The following PTPRD variants were observed in gnomAD, a reference collection of about 807,000 sequenced individuals.
PTPRD encodes protein tyrosine phosphatase receptor type D.
A neutral mutation model predicts 214.5 loss-of-function variants in PTPRD; 34 were observed. That is an observed-to-expected ratio of 0.16 (90% CI 0.12 to 0.21). The LOEUF (loss-of-function observed/expected upper bound fraction) is 0.21. PTPRD is among the 10% of genes least tolerant of loss of function. The pLI is 1.00. For missense variants in PTPRD, 2,545 were observed against 2,398.7 expected (o/e 1.06, Z -1.27); for synonymous variants, 1,128 against 845.7 (o/e 1.33, Z -5.79).
At chr9:9,977,243 T>C (rs2154058317) in intron 4 of PTPRD, among the ~76,000 whole-genome samples, 1 of 152,258 alleles carries the variant, frequency 6.6e-6, no homozygotes, top group Admixed American at 6.5e-5. Context: ...AGGTCTAAAG[T>C]AGAACTTACC....
intron 2 of PTPRD, among the ~76,000 whole-genome samples, chr9:10,357,730 C>T (rs534884917): frequency 6.6e-6 from 1 of 152,200 alleles, no homozygotes; most frequent in East Asian, 1.9e-4. Context: ...GCTGGAGATG[C>T]TTTTCAAATA....
At chr9:9,723,984 A>C (rs1178725024) in intron 7 of PTPRD, among the ~76,000 whole-genome samples, 2 of 151,880 alleles carry the variant, frequency 1.3e-5, no homozygotes, top group Non-Finnish European at 2.9e-5. Context: ...GATCCTTTTT[A>C]TTTCTTTTTC....
At chr9:9,134,263 C>T (rs2099847499) in intron 10 of PTPRD, among the ~76,000 whole-genome samples, 1 of 147,598 alleles carries the variant, frequency 6.8e-6, no homozygotes, top group African/African-American at 2.6e-5. Flanking sequence ...TTAGTAGAGA[C>T]GAGGTTTCAC....
At chr9:9,900,021 G>T (rs971952755) in intron 5 of PTPRD, among the ~76,000 whole-genome samples, 4 of 151,984 alleles carry the variant, frequency 2.6e-5, no homozygotes, top group African/African-American at 9.7e-5. Context: ...AGGCTGGGGG[G>T]AAAACAAGAA....
At chr9:9,073,700 G>T (rs764684354) in intron 10 of PTPRD, among the ~76,000 whole-genome samples, 1 of 152,058 alleles carries the variant, frequency 6.6e-6, no homozygotes, top group Non-Finnish European at 1.5e-5. Flanking sequence ...TTTTGGACTT[G>T]TCAGCTCCCA....
At chr9:10,066,163 C>T (rs2097879574) in intron 3 of PTPRD, among the ~76,000 whole-genome samples, 2 of 151,574 alleles carry the variant, frequency 1.3e-5, no homozygotes, top group South Asian at 2.1e-4. Context: ...ATTTTTAAGG[C>T]AACAATTTTG....
intron 12 of PTPRD, among the ~76,000 whole-genome samples, chr9:8,704,458 T>A (rs533309797): frequency 6.6e-6 from 1 of 152,290 alleles, no homozygotes; most frequent in African/African-American, 2.4e-5. Context: ...AATCTGTTCC[T>A]GGAATCAGAA....
intron 9 of PTPRD, among the ~76,000 whole-genome samples, chr9:9,307,117 T>C (rs1476751437): frequency 6.6e-6 from 1 of 152,176 alleles, no homozygotes; most frequent in Non-Finnish European, 1.5e-5. Context: ...ATCTAATTTT[T>C]AAAAGTTAAC....
chr9:8,525,331 G>C (rs2073814781), intron 17 of PTPRD: 1 of 457,962 alleles, frequency 2.2e-6, no homozygotes, highest in African/African-American at 2.0e-5. Flanking sequence ...AATGAAGATG[G>C]GTGAGACTGC....
chr9:10,229,529 A>T (rs893587643), intron 3 of PTPRD, among the ~76,000 whole-genome samples: 1 of 152,122 alleles, frequency 6.6e-6, no homozygotes, highest in Non-Finnish European at 1.5e-5. Flanking sequence ...GCCACAAAAA[A>T]TGATGAGTTC....
At chr9:10,307,382 A>G (rs1228870478) in intron 3 of PTPRD, among the ~76,000 whole-genome samples, 1 of 152,064 alleles carries the variant, frequency 6.6e-6, no homozygotes, top group East Asian at 1.9e-4. Flanking sequence ...ATTTCCATCC[A>G]TGTTGCTATA....
chr9:8,524,543 T>C (rs1373933188), intron 18 of PTPRD, among the ~76,000 whole-genome samples: 1 of 151,958 alleles, frequency 6.6e-6, no homozygotes, highest in African/African-American at 2.4e-5. Context: ...AACTGATTAG[T>C]AGCACACCAA....
At chr9:10,082,484 C>A (rs887007125) in intron 3 of PTPRD, among the ~76,000 whole-genome samples, 22 of 151,948 alleles carry the variant, frequency 1.4e-4, no homozygotes, top group Non-Finnish European at 4.4e-5. Flanking sequence ...GATTTGACAG[C>A]AAACAATTCT....
At position 10,018,996 on chromosome 9, in the gene PTPRD, C is replaced by A. The variant is rs555230241; in HGVS notation, c.-472+14722G>T. Among the ~76,000 whole-genome samples the A allele has an allele frequency of 1.8e-3, 280 of 152,186 alleles. 1 individual carries two copies. The highest frequency in any genetic ancestry group is 4.7e-3 in the Admixed American group (72 of 15,290). On this transcript the variant is annotated intron_variant, in intron 4 of 45. Transcript: ENST00000381196. The stretch of plus-strand genomic sequence containing the variant: ...ACCATCAGAGTGAACAGGCAACCTA[C>A]AGAATGGGAGAAAATTTTTGCAATC...
chr9:9,865,101 A>G (rs1461756486), intron 5 of PTPRD, among the ~76,000 whole-genome samples: 2 of 152,178 alleles, frequency 1.3e-5, no homozygotes, highest in African/African-American at 4.8e-5. Flanking sequence ...TACTGTTTCT[A>G]AAAGATCATA....
At chr9:10,232,943 T>C (rs901591493) in intron 3 of PTPRD, among the ~76,000 whole-genome samples, 3 of 151,994 alleles carry the variant, frequency 2.0e-5, no homozygotes, top group Non-Finnish European at 4.4e-5. Context: ...TTCCTCACTA[T>C]CATTTTATCC....
chr9:9,335,034 T>A (rs578010245), intron 9 of PTPRD, among the ~76,000 whole-genome samples: 1 of 152,184 alleles, frequency 6.6e-6, no homozygotes, highest in African/African-American at 2.4e-5. Context: ...TTCACCTGTC[T>A]CTATACTCTT....
chr9:10,282,113 G>T (rs944449210), intron 3 of PTPRD, among the ~76,000 whole-genome samples: 2 of 152,112 alleles, frequency 1.3e-5, no homozygotes, highest in African/African-American at 4.8e-5. Flanking sequence ...GTCATGGAAA[G>T]ATCATGACTT....
intron 3 of PTPRD, among the ~76,000 whole-genome samples, chr9:10,193,721 G>A (rs541217981): frequency 6.6e-6 from 1 of 152,032 alleles, no homozygotes; most frequent in East Asian, 1.9e-4. Flanking sequence ...TCCTATTTTG[G>A]GTAACACGTA....
Sources: allele counts gnomAD v4.1 joint callset (sites outside exome capture counted in the v4.1 genomes callset), GRCh38; gene constraint gnomAD v4.1.1; transcripts MANE v1.5; gene names NCBI Gene and HGNC (gene_info 2026-07-23, HGNC 2026-07-21).